Variants in NR6A1 observed in about 807,000 individuals in gnomAD.
The protein encoded by NR6A1 is nuclear receptor subfamily 6 group A member 1.
Under a neutral mutation model 59.1 loss-of-function variants are expected in NR6A1, and 7 were observed. That is an observed-to-expected ratio of 0.12 (90% CI 0.07 to 0.22). NR6A1 has a LOEUF of 0.22. Ranked by LOEUF, NR6A1 falls within the 10% of genes least tolerant of loss-of-function variation. The pLI is 1.00. For synonymous variants in NR6A1, 243 were observed against 236.1 expected (o/e 1.03, Z -0.27); for missense variants, 468 against 611.6 (o/e 0.77, Z 2.48).
chr9:124,556,672 G>T (rs1166585553), intron 2 of NR6A1, among the ~76,000 whole-genome samples: 1 of 151,952 alleles, frequency 6.6e-6, no homozygotes, highest in Non-Finnish European at 1.5e-5. Flanking sequence ...TCTTGGCCAG[G>T]CTGGTCTTGA....
At chr9:124,720,970 C>CT (rs947245322) in intron 2 of NR6A1, among the ~76,000 whole-genome samples, 2 of 152,010 alleles carry the variant, frequency 1.3e-5, no homozygotes, top group East Asian at 1.9e-4. Flanking sequence ...CCCCTTTCAG[C>CT]TTTTTTTTAA....
intron 2 of NR6A1, among the ~76,000 whole-genome samples, chr9:124,730,632 T>C (rs938864111): frequency 2.7e-5 from 4 of 150,332 alleles, no homozygotes; most frequent in African/African-American, 9.8e-5. Flanking sequence ...TTCATTCTCA[T>C]GGAATAGAGA....
At chr9:124,718,364 T>G (rs1325653859) in intron 2 of NR6A1, among the ~76,000 whole-genome samples, 1 of 152,228 alleles carries the variant, frequency 6.6e-6, no homozygotes, top group African/African-American at 2.4e-5. Context: ...GGGTTGCAAG[T>G]AGAAGCCTGA....
intron 2 of NR6A1, among the ~76,000 whole-genome samples, chr9:124,660,158 AAAAT>A (rs2130939711): frequency 6.6e-6 from 1 of 152,360 alleles, no homozygotes; most frequent in Non-Finnish European, 1.5e-5. Context: ...CTTTAAAGAG[AAAAT>A]AACAGTGTTC....
intron 2 of NR6A1, among the ~76,000 whole-genome samples, chr9:124,618,103 T>C (rs1021940568): frequency 6.6e-6 from 1 of 152,170 alleles, no homozygotes; most frequent in Non-Finnish European, 1.5e-5. Flanking sequence ...CCATCACAAA[T>C]GTCTGGTTTC....
intron 2 of NR6A1, among the ~76,000 whole-genome samples, chr9:124,722,446 A>C (rs889538604): frequency 1.3e-5 from 2 of 152,242 alleles, no homozygotes; most frequent in African/African-American, 2.4e-5. Flanking sequence ...AATCCATTAG[A>C]ACATGTGACA....
At chr9:124,561,369 T>C (rs1049421440) in intron 2 of NR6A1, among the ~76,000 whole-genome samples, 11 of 152,004 alleles carry the variant, frequency 7.2e-5, no homozygotes, top group Non-Finnish European at 1.2e-4. Context: ...GCCCAGGTGG[T>C]CGAAGATGCA....
chr9:124,765,325 C>G (rs1830041463), intron 1 of NR6A1, among the ~76,000 whole-genome samples: 1 of 152,118 alleles, frequency 6.6e-6, no homozygotes, highest in South Asian at 2.1e-4. Context: ...AGAATCATTT[C>G]TCTTTTGAAA....
chr9:124,723,877 T>G (rs559944304), intron 2 of NR6A1, among the ~76,000 whole-genome samples: 3 of 152,182 alleles, frequency 2.0e-5, no homozygotes, highest in Non-Finnish European at 4.4e-5. Flanking sequence ...CCAAGCAATC[T>G]TGAGCCAGAG....
chr9:124,599,237 GT>G lies in NR6A1; in HGVS notation c.143-44668del, dbSNP rs773422880. On this transcript the variant is annotated intron_variant, in intron 2 of 9. Transcript: ENST00000487099. ...GCGGGTGGATAACCTGAGGTCAGGA[GT>G]TTGAGACCAGTCTCGTCAACATGGT... The G allele has an allele frequency of 6.6e-4, 294 of 446,406 alleles. 2 individuals carry two copies. The highest frequency in any genetic ancestry group is 1.1e-3 in the Non-Finnish European group (263 of 239,294). The allele number at this position is 446,406 out of a possible 1,614,324, so 27.7% of individuals were successfully genotyped here. A position where few individuals can be genotyped will look rare whatever the true frequency, so the allele number is the denominator to read the frequency against.
chr9:124,598,169 C>A (rs774662171), intron 2 of NR6A1, among the ~76,000 whole-genome samples: 3 of 152,144 alleles, frequency 2.0e-5, no homozygotes, highest in Admixed American at 6.5e-5. Flanking sequence ...TTTTTAACTA[C>A]GCCTCCAAGT....
At chr9:124,684,401 T>A (rs1260808075) in intron 2 of NR6A1, among the ~76,000 whole-genome samples, 1 of 152,198 alleles carries the variant, frequency 6.6e-6, no homozygotes, top group Non-Finnish European at 1.5e-5. Flanking sequence ...GCTGATGACA[T>A]GTGTCAGCCC....
chr9:124,659,135 G>A (rs1380026467), intron 2 of NR6A1, among the ~76,000 whole-genome samples: 5 of 152,214 alleles, frequency 3.3e-5, no homozygotes, highest in African/African-American at 1.2e-4. Flanking sequence ...CCAAACACTT[G>A]TGCCGCCTGG....
chr9:124,608,874 T>C (rs961017234), intron 2 of NR6A1, among the ~76,000 whole-genome samples: 1 of 152,232 alleles, frequency 6.6e-6, no homozygotes. Context: ...TGGATTTGAT[T>C]TGCATTTCTC....
At chr9:124,717,685 T>C (rs1255591684) in intron 2 of NR6A1, among the ~76,000 whole-genome samples, 17 of 152,324 alleles carry the variant, frequency 1.1e-4, no homozygotes, top group African/African-American at 4.1e-4. Context: ...CTTAACACTT[T>C]AGATCTATGC....
intron 2 of NR6A1, among the ~76,000 whole-genome samples, chr9:124,641,198 A>G (rs976228971): frequency 1.4e-4 from 22 of 152,058 alleles, no homozygotes; most frequent in Non-Finnish European, 1.8e-4. Flanking sequence ...CTAAAAAATA[A>G]AAATAAAAAA....
chr9:124,693,839 T>C (rs765800782), intron 2 of NR6A1: 9 of 523,024 alleles, frequency 1.7e-5, no homozygotes, highest in Non-Finnish European at 3.1e-5. Context: ...GTCGCCTGAG[T>C]GCAGCAGCTA....
rs79759636 is a variant in NR6A1 at position 124,615,161 on chromosome 9, C to T, written c.143-60591G>A. On this transcript the variant is annotated intron_variant, in intron 2 of 9. Coordinates refer to ENST00000487099, the MANE Select transcript of NR6A1 (RefSeq NM_033334.4). ...AGCATAAAAAGAAATTGCTGAACTT[C>T]CAGGCTAATGCATTAAAAACTGCAT... Among the ~76,000 whole-genome samples the T allele has an allele frequency of 6.6e-3, 1,001 of 152,284 alleles. 5 individuals are homozygous for T. Among genetic ancestry groups the T allele is most frequent in the Non-Finnish European group, 0.011 (751 of 68,016 alleles).
At chr9:124,538,441 AG>A in intron 5 of NR6A1, 122 bp from the exon 6 acceptor site, 1 of 676,490 alleles carries the variant, frequency 1.5e-6, no homozygotes, top group Non-Finnish European at 2.5e-6. Context: ...TCATCAAGCC[AG>A]GGGGCATAAT....
Sources: allele counts gnomAD v4.1 joint callset (sites outside exome capture counted in the v4.1 genomes callset), GRCh38; gene constraint gnomAD v4.1.1; transcripts MANE v1.5; gene names NCBI Gene and HGNC (gene_info 2026-07-23, HGNC 2026-07-21).